The following CSMD1 variants were observed in gnomAD, a reference collection of about 807,000 sequenced individuals.
CSMD1 encodes CUB and sushi domain-containing protein 1.
A neutral mutation model predicts 417.5 loss-of-function variants in CSMD1; 213 were observed. That is an observed-to-expected ratio of 0.51 (90% CI 0.46 to 0.57). CSMD1 has a LOEUF of 0.57. Ranked by LOEUF, CSMD1 falls within the 20% of genes least tolerant of loss-of-function variation. The pLI, the probability that CSMD1 is intolerant of heterozygous loss-of-function variation, is 0.00. For missense variants in CSMD1, 6,923 were observed against 4,529.7 expected, an observed-to-expected ratio of 1.53 and a Z score of -15.17; for synonymous variants, 2,862 against 1,736.8, an observed-to-expected ratio of 1.65 and a Z score of -16.11.
intron 3 of CSMD1, among the ~76,000 whole-genome samples, chr8:4,205,215 T>G (rs1473068517): frequency 6.6e-6 from 1 of 152,206 alleles, no homozygotes; most frequent in Non-Finnish European, 1.5e-5. Flanking sequence ...ACATTTCTCT[T>G]TGGTAGAACT....
intron 3 of CSMD1, among the ~76,000 whole-genome samples, chr8:4,250,335 T>C (rs7002694): frequency 0.095 from 14,509 of 152,178 alleles, 987 homozygotes; most frequent in East Asian, 0.36. Context: ...GTGCAAGCTA[T>C]GAAGACAGAA....
chr8:3,039,093 T>C (rs67320237), intron 50 of CSMD1, among the ~76,000 whole-genome samples: 35,439 of 152,052 alleles, frequency 0.23, 4,338 homozygotes, highest in East Asian at 0.44. Flanking sequence ...AAAGGGTACT[T>C]AGAGAAAGTG....
intron 3 of CSMD1, among the ~76,000 whole-genome samples, chr8:4,325,105 T>C (rs962670404): frequency 6.6e-6 from 1 of 152,106 alleles, no homozygotes; most frequent in South Asian, 2.1e-4. Context: ...AGTAACCCAC[T>C]TGATGATACT....
At chr8:4,319,592 G>A (rs1252897946) in intron 3 of CSMD1, among the ~76,000 whole-genome samples, 1 of 152,168 alleles carries the variant, frequency 6.6e-6, no homozygotes, top group East Asian at 1.9e-4. Context: ...AGGAAATACA[G>A]AGTGGTGATT....
intron 35 of CSMD1, 42 bp from the exon 36 acceptor site, chr8:3,188,007 A>G: frequency 1.3e-6 from 2 of 1,534,916 alleles, no homozygotes; most frequent in African/African-American, 2.7e-5. Flanking sequence ...TTTTTGGCTT[A>G]ACACAATTAG....
At chr8:4,182,503 G>A (rs1349344761) in intron 3 of CSMD1, among the ~76,000 whole-genome samples, 2 of 152,078 alleles carry the variant, frequency 1.3e-5, no homozygotes, top group African/African-American at 4.8e-5. Context: ...CATTATTAGC[G>A]AAATGTTGGA....
At chr8:4,560,546 T>C (rs1185942799) in intron 2 of CSMD1, among the ~76,000 whole-genome samples, 3 of 152,210 alleles carry the variant, frequency 2.0e-5, no homozygotes, top group Non-Finnish European at 4.4e-5. Context: ...CTCTGCTACC[T>C]GTAGATACAG....
chr8:3,304,158 A>G (rs1262664869), intron 25 of CSMD1, among the ~76,000 whole-genome samples: 4 of 152,194 alleles, frequency 2.6e-5, no homozygotes, highest in South Asian at 2.1e-4. Flanking sequence ...TTAAGATATC[A>G]TAGTATAAAT....
At chr8:4,818,501 A>G (rs1044852128) in intron 1 of CSMD1, among the ~76,000 whole-genome samples, 2 of 152,216 alleles carry the variant, frequency 1.3e-5, no homozygotes, top group Non-Finnish European at 2.9e-5. Context: ...TTTAGCATAC[A>G]TTAAATACAT....
chr8:3,900,426 T>C (rs1290400656), intron 5 of CSMD1, among the ~76,000 whole-genome samples: 3 of 150,814 alleles, frequency 2.0e-5, no homozygotes, highest in Admixed American at 6.6e-5. Flanking sequence ...TGGGTGACAG[T>C]GTAGCTGGGT....
intron 1 of CSMD1, among the ~76,000 whole-genome samples, chr8:4,792,119 C>A (rs1339490561): frequency 1.3e-5 from 2 of 152,152 alleles, no homozygotes; most frequent in African/African-American, 2.4e-5. Flanking sequence ...TATTTTCTAA[C>A]AGAATCTCTC....
At chr8:3,559,490 C>A (rs1164604191) in intron 10 of CSMD1, among the ~76,000 whole-genome samples, 1 of 150,108 alleles carries the variant, frequency 6.7e-6, no homozygotes, top group Non-Finnish European at 1.5e-5. Context: ...TTTAAAGGCA[C>A]CGTGAAGAAG....
intron 1 of CSMD1, among the ~76,000 whole-genome samples, chr8:4,810,361 G>C (rs939080896): frequency 6.6e-6 from 1 of 151,876 alleles, no homozygotes; most frequent in African/African-American, 2.4e-5. Flanking sequence ...TTTTGTTTTT[G>C]ACTTTTGATA....
chr8:4,445,804 T>C (rs1345164950), intron 2 of CSMD1, among the ~76,000 whole-genome samples: 1 of 152,172 alleles, frequency 6.6e-6, no homozygotes, highest in Non-Finnish European at 1.5e-5. Context: ...AAATAGATGA[T>C]TAACGAGAAT....
chr8:4,976,770 A>G (rs1479455727), intron 1 of CSMD1, among the ~76,000 whole-genome samples: 1 of 152,158 alleles, frequency 6.6e-6, no homozygotes, highest in Admixed American at 6.5e-5. Context: ...GGCAAATGTG[A>G]TATGGTAGGT....
At chr8:3,493,065 G>A (rs996152838) in intron 11 of CSMD1, among the ~76,000 whole-genome samples, 6 of 152,028 alleles carry the variant, frequency 3.9e-5, no homozygotes, top group Admixed American at 1.3e-4. Flanking sequence ...AGGCTGAAGT[G>A]GGCAAATCAC....
chr8:3,181,189 G>C lies in CSMD1; in HGVS notation c.5646C>G (p.Asn1882Lys), dbSNP rs773387228. 1 of 1,613,708 alleles carries C rather than the reference G, an allele frequency of 6.2e-7. No homozygotes were observed. Among genetic ancestry groups the C allele is most frequent in the Admixed American group, 1.7e-5 (1 of 60,018 alleles). Residue 1882 changes from asparagine to lysine, a missense_variant, in exon 37 of 70, where the codon AAC becomes AAG. Physicochemically the swap from Asn to Lys is moderately conservative, Grantham distance 94. Coordinates refer to ENST00000635120, the MANE Select transcript of CSMD1 (RefSeq NM_033225.6). ...FSGTTVPALLNSTSNQLYLHF... is the reference protein window; with the variant it reads ...FSGTTVPALLKSTSNQLYLHF... ...GCAGGTAGAGTTGGTTGGAAGTACT[G>C]TTCAGCAGTGCCGGTACTGTGGTGC... is the stretch of plus-strand genomic sequence containing the variant.
chr8:3,724,029 T>G (rs2129045378), intron 6 of CSMD1, among the ~76,000 whole-genome samples: 1 of 54,076 alleles, frequency 1.8e-5, no homozygotes, highest in South Asian at 5.5e-4. Flanking sequence ...CCTCTCTTTT[T>G]CAACTTTCTA....
chr8:3,556,735 T>C (rs1477976795), intron 10 of CSMD1, among the ~76,000 whole-genome samples: 19 of 151,946 alleles, frequency 1.3e-4, no homozygotes, highest in Admixed American at 1.2e-3. Context: ...TTCTCCTCTC[T>C]CAAAGCTTTA....
Sources: gnomAD v4.1 joint callset for allele counts (sites outside exome capture counted in the v4.1 genomes callset) on GRCh38, gnomAD v4.1.1 for gene constraint, MANE v1.5 for transcripts, NCBI Gene and HGNC (gene_info 2026-07-23, HGNC 2026-07-21) for gene names.